Variants in CBFA2T3 observed in about 807,000 individuals in gnomAD.
CBFA2T3 encodes the protein transcriptional corepressor CBFA2T3.
CBFA2T3 carries 31 observed loss-of-function variants against 58.6 expected under a neutral mutation model. The observed-to-expected ratio is 0.53, with a 90% CI of 0.40 to 0.71. The LOEUF (loss-of-function observed/expected upper bound fraction) is 0.71. CBFA2T3 is among the 30% of genes least tolerant of loss of function. The probability of loss-of-function intolerance (pLI) is 0.00; values close to 1 mark genes in which losing one functional copy is unlikely to be tolerated. For missense variants in CBFA2T3, 1,076 were observed against 963.1 expected, an observed-to-expected ratio of 1.12 and a Z score of -1.55; for synonymous variants, 531 against 421.9, an observed-to-expected ratio of 1.26 and a Z score of -3.17.
At chr16:88,944,839 G>A (rs1318093880) in intron 1 of CBFA2T3, among the ~76,000 whole-genome samples, 1 of 152,148 alleles carries the variant, frequency 6.6e-6, no homozygotes, top group Non-Finnish European at 1.5e-5. Flanking sequence ...TGTGCCCTCC[G>A]TGACCCTAGG....
At chr16:88,909,035 C>T (rs959266572) in intron 1 of CBFA2T3, among the ~76,000 whole-genome samples, 4 of 152,182 alleles carry the variant, frequency 2.6e-5, no homozygotes, top group Admixed American at 2.0e-4. Flanking sequence ...CCGGCTCTGC[C>T]CTTCCTGGAG....
At chr16:88,973,995 C>T (rs548230214) in intron 1 of CBFA2T3, among the ~76,000 whole-genome samples, 5 of 152,356 alleles carry the variant, frequency 3.3e-5, no homozygotes, top group South Asian at 2.1e-4. Context: ...CGAGATCCCA[C>T]GTCGTCCCTC....
chr16:88,975,192 G>A (rs1215598775), intron 1 of CBFA2T3, among the ~76,000 whole-genome samples: 1,420 of 108,206 alleles, frequency 0.013, 38 homozygotes, highest in African/African-American at 0.042. Flanking sequence ...CTTTAGCCAT[G>A]TCAGAGGTCC....
At chr16:88,959,922 A>G (rs535452139) in intron 1 of CBFA2T3, among the ~76,000 whole-genome samples, 25 of 152,186 alleles carry the variant, frequency 1.6e-4, no homozygotes, top group Non-Finnish European at 3.2e-4. Context: ...GCTACTTGGC[A>G]GGAGGCTGAG....
At chr16:88,919,662 C>T (rs570928724) in intron 1 of CBFA2T3, among the ~76,000 whole-genome samples, 5 of 152,176 alleles carry the variant, frequency 3.3e-5, no homozygotes, top group Non-Finnish European at 7.3e-5. Context: ...GCAGCCTCTC[C>T]GCGGAGTCCC....
intron 1 of CBFA2T3, among the ~76,000 whole-genome samples, chr16:88,975,259 G>GCTCCTGACCTGCAGCCA (rs1597806835): frequency 9.1e-6 from 1 of 109,456 alleles, no homozygotes; most frequent in East Asian, 2.8e-4. Context: ...CTGACCCTCT[G>GCTCCTGACCTGCAGCCA]TTTCATGCCT....
chr16:88,977,030 G>A lies in CBFA2T3; in HGVS notation c.-223C>T, dbSNP rs1567645512. ...GGGAGCCCTGGGGCTCATGTGACGCGGGGCGGGCCTGGGGCTGCAGGCTGG... is the reference window on the plus strand; with the variant it reads ...GGGAGCCCTGGGGCTCATGTGACGCAGGGCGGGCCTGGGGCTGCAGGCTGG... On this transcript the variant is annotated 5_prime_UTR_variant, in exon 1 of 12. Transcript: ENST00000268679. The A allele has an allele frequency of 2.3e-5, 11 of 484,786 alleles. No homozygotes were observed. Among genetic ancestry groups the A allele is most frequent in the Middle Eastern group, 5.5e-4 (1 of 1,818 alleles). 30.0% of individuals were successfully genotyped at this position (484,786 alleles called of 1,614,324 possible). A position where few individuals can be genotyped will look rare whatever the true frequency, so the allele number is the denominator to read the frequency against.
At chr16:88,960,741 C>A (rs572671981) in intron 1 of CBFA2T3, among the ~76,000 whole-genome samples, 21 of 152,178 alleles carry the variant, frequency 1.4e-4, no homozygotes, top group Admixed American at 4.6e-4. Flanking sequence ...CCTGGGCCAC[C>A]CGCCTCTGGG....
chr16:88,920,929 G>C (rs1277109936), intron 1 of CBFA2T3, among the ~76,000 whole-genome samples: 2 of 152,270 alleles, frequency 1.3e-5, no homozygotes, highest in Non-Finnish European at 1.5e-5. Flanking sequence ...AGGCATCTTG[G>C]AGAGCAGCGG....
intron 1 of CBFA2T3, among the ~76,000 whole-genome samples, chr16:88,929,129 G>T (rs1323994495): frequency 2.0e-5 from 3 of 152,212 alleles, no homozygotes; most frequent in Non-Finnish European, 4.4e-5. Flanking sequence ...ACCAGGTACA[G>T]AATCTGGCAC....
chr16:88,955,892 C>T (rs562934848), intron 1 of CBFA2T3, among the ~76,000 whole-genome samples: 53 of 148,070 alleles, frequency 3.6e-4, no homozygotes, highest in African/African-American at 1.2e-3. Flanking sequence ...GCCAAGTCTC[C>T]TGACCCCGCC....
intron 11 of CBFA2T3, 26 bp from the exon 12 acceptor site, chr16:88,877,301 A>G: frequency 1.3e-6 from 2 of 1,526,462 alleles, no homozygotes; most frequent in Non-Finnish European, 1.8e-6. Context: ...GGGGCCAGTC[A>G]GGGCTGGGTC....
chr16:88,953,934 C>A lies in CBFA2T3; in HGVS notation c.151+22723G>T, dbSNP rs1240225095. On this transcript the variant is annotated intron_variant, in intron 1 of 11. Transcript: ENST00000268679. This position sits in a 1 kb window ranked among gnomAD's most constrained non-coding sequence, Gnocchi z 4.9. ...GCCCACAGAGCAGGTGGGCTGTGCT[C>A]CTGCCCTGGGCAAATGAGGGCAGGC... is the stretch of plus-strand genomic sequence containing the variant. Among the ~76,000 whole-genome samples, 1 of 152,110 alleles carries A rather than the reference C, an allele frequency of 6.6e-6. No individual in the cohort carries two copies. Among genetic ancestry groups the A allele is most frequent in the Non-Finnish European group, 1.5e-5 (1 of 67,998 alleles).
At chr16:88,890,270 C>A (rs1969575782) in intron 5 of CBFA2T3, among the ~76,000 whole-genome samples, 2 of 152,208 alleles carry the variant, frequency 1.3e-5, no homozygotes, top group African/African-American at 4.8e-5. Context: ...AGGATGATTC[C>A]ATTTTGCAGA....
At chr16:88,892,603 T>C (rs1969688504) in intron 3 of CBFA2T3, 118 bp from the exon 4 acceptor site, 3 of 1,182,508 alleles carry the variant, frequency 2.5e-6, no homozygotes, top group Non-Finnish European at 3.7e-6. Flanking sequence ...ACGGCAACAA[T>C]GATGAGACAC....
At chr16:88,896,531 C>G (rs375112216) in intron 3 of CBFA2T3, among the ~76,000 whole-genome samples, 95 of 152,332 alleles carry the variant, frequency 6.2e-4, no homozygotes, top group African/African-American at 2.0e-3. Context: ...GAGGACCCCA[C>G]CGCGCTGCCG....
chr16:88,923,273 G>A (rs1156771762), intron 1 of CBFA2T3, among the ~76,000 whole-genome samples: 2 of 152,198 alleles, frequency 1.3e-5, no homozygotes, highest in Non-Finnish European at 1.5e-5. Flanking sequence ...GGGGGGACCC[G>A]CACCCCCTCC....
chr16:88,885,743 C>T lies in CBFA2T3; in HGVS notation c.893+218G>A, dbSNP rs1393126142. 1 of 565,808 alleles carries T rather than the reference C, an allele frequency of 1.8e-6. No individual in the cohort carries two copies. The highest frequency in any genetic ancestry group is 3.1e-6 in the Non-Finnish European group (1 of 318,100). The allele number at this position is 565,808 out of a possible 1,614,324, so 35.0% of individuals were successfully genotyped here. A position where few individuals can be genotyped will look rare whatever the true frequency, so the allele number is the denominator to read the frequency against. ...CCAGCCTCCTCCCTGTCCTCCTAGGCTCCCCGGAGCATCTGAGTCTGCAGC... is the reference window on the plus strand; with the variant it reads ...CCAGCCTCCTCCCTGTCCTCCTAGGTTCCCCGGAGCATCTGAGTCTGCAGC... On this transcript the variant is annotated intron_variant, in intron 6 of 11. Transcript: ENST00000268679. The surrounding 1 kb of genome is among the most constrained non-coding windows in gnomAD (Gnocchi z 5.3).
intron 1 of CBFA2T3, among the ~76,000 whole-genome samples, chr16:88,931,409 T>G (rs1444730429): frequency 2.0e-5 from 3 of 151,586 alleles, no homozygotes; most frequent in African/African-American, 7.3e-5. Flanking sequence ...CCCTTAAGGG[T>G]GGGAAGCGCT....
Sources: gnomAD v4.1 joint callset for allele counts (sites outside exome capture counted in the v4.1 genomes callset) on GRCh38, gnomAD v4.1.1 for gene constraint, Gnocchi (gnomAD v3.1) non-coding constraint, MANE v1.5 for transcripts, NCBI Gene and HGNC (gene_info 2026-07-23, HGNC 2026-07-21) for gene names.